ZMYND8: variants seen among roughly 807,000 people sequenced by gnomAD.
ZMYND8 encodes MYND-type zinc finger-containing chromatin reader ZMYND8.
A neutral mutation model predicts 140.8 loss-of-function variants in ZMYND8; 37 were observed. The observed-to-expected ratio is 0.26, with a 90% CI of 0.20 to 0.35. The LOEUF (loss-of-function observed/expected upper bound fraction) is 0.35. ZMYND8 is among the 10% of genes least tolerant of loss of function. ZMYND8 has a pLI of 1.00. For synonymous variants in ZMYND8, 592 were observed against 597.1 expected (o/e 0.99, Z 0.12); for missense variants, 1,068 against 1,570.0 (o/e 0.68, Z 5.40).
chr20:47,229,979 A>G (rs2038240939), intron 16 of ZMYND8, among the ~76,000 whole-genome samples, 173 bp from the exon 17 acceptor site: 1 of 152,212 alleles, frequency 6.6e-6, no homozygotes, highest in African/African-American at 2.4e-5. Flanking sequence ...AGCAAGGAGA[A>G]GGAGCTGCTA....
chr20:47,242,620 G>T (rs1474373780), intron 14 of ZMYND8, among the ~76,000 whole-genome samples: 1 of 152,208 alleles, frequency 6.6e-6, no homozygotes, highest in African/African-American at 2.4e-5. Flanking sequence ...CAAAATGGTC[G>T]TTTTCTCTCT....
intron 11 of ZMYND8, among the ~76,000 whole-genome samples, chr20:47,272,486 T>C (rs1263879219): frequency 6.6e-6 from 1 of 152,142 alleles, no homozygotes; most frequent in Non-Finnish European, 1.5e-5. Context: ...TAATACATAT[T>C]AATAACTTAC....
chr20:47,287,219 A>G lies in ZMYND8; in HGVS notation c.804+10T>C. The G allele has an allele frequency of 6.2e-7, 1 of 1,613,286 alleles. No individual in the cohort carries two copies. On this transcript the variant is annotated intron_variant, in intron 8 of 22. Coordinates refer to ENST00000471951, the MANE Select transcript of ZMYND8 (RefSeq NM_001281775.3). ...GGTGCATCTAAAACAGGACAGTGGG[A>G]AACACATACCTCATGTTCACAGATT...
chr20:47,334,204 G>A (rs2081205445), intron 2 of ZMYND8, among the ~76,000 whole-genome samples: 1 of 152,116 alleles, frequency 6.6e-6, no homozygotes, highest in African/African-American at 2.4e-5. Flanking sequence ...ACTGGGAGGT[G>A]CCTGGCACCC....
chr20:47,254,854 C>T (rs1446929799), intron 12 of ZMYND8, among the ~76,000 whole-genome samples: 1 of 152,188 alleles, frequency 6.6e-6, no homozygotes, highest in African/African-American at 2.4e-5. Context: ...AGGCCAGGCG[C>T]AGTGCCTCAT....
intron 1 of ZMYND8, among the ~76,000 whole-genome samples, chr20:47,350,277 A>G (rs924346773): frequency 6.7e-6 from 1 of 149,958 alleles, no homozygotes; most frequent in Non-Finnish European, 1.5e-5. Context: ...CACACACACA[A>G]TTAACTTGTA....
chr20:47,228,299 T>C (rs6124981), intron 17 of ZMYND8, among the ~76,000 whole-genome samples: 3,207 of 152,234 alleles, frequency 0.021, 128 homozygotes, highest in East Asian at 0.17. Context: ...ACAGAAATTA[T>C]CTGGTTCAAA....
intron 16 of ZMYND8, among the ~76,000 whole-genome samples, chr20:47,235,739 GA>G (rs1045861923): frequency 3.3e-5 from 5 of 151,390 alleles, no homozygotes; most frequent in African/African-American, 1.2e-4. Flanking sequence ...CAACTTAAGA[GA>G]AAAAAAGAAG....
At position 47,347,792 on chromosome 20, in the gene ZMYND8, C is replaced by T. The variant is rs1602156562; in HGVS notation, c.85+64G>A. The T allele has an allele frequency of 5.8e-6, 9 of 1,564,078 alleles. No homozygotes were observed. In the East Asian group the frequency reaches 2.0e-4, roughly 35 times the overall value. On this transcript the variant is annotated intron_variant, in intron 2 of 22. Transcript: ENST00000471951. ...AGCCACACACTTCACTGCACTACAA[C>T]AACAAAAAGAAATTCCAATTTCCTC...
chr20:47,300,036 T>C lies in ZMYND8; in HGVS notation c.235-1089A>G, dbSNP rs563691028. ...CATCAGCAATGGCAGAAAGATGAGA[T>C]GGGTGGCCAACTCATGGGAGGTCGA... is the stretch of plus-strand genomic sequence containing the variant. On this transcript the variant is annotated intron_variant, in intron 3 of 22. Transcript: ENST00000471951. Among the ~76,000 whole-genome samples, 19 of 152,320 alleles carry C rather than the reference T, an allele frequency of 1.2e-4. No homozygotes were observed. The East Asian group carries it at 3.7e-3, about 29-fold the overall frequency.
At chr20:47,317,480 C>T (rs1250451025) in intron 2 of ZMYND8, among the ~76,000 whole-genome samples, 1 of 150,838 alleles carries the variant, frequency 6.6e-6, no homozygotes, top group Non-Finnish European at 1.5e-5. Flanking sequence ...CACACCATTA[C>T]AGGGAATTGT....
chr20:47,246,318 A>C lies in ZMYND8; in HGVS notation c.1974T>G (p.Pro658=), dbSNP rs1355224338. The C allele has an allele frequency of 6.2e-7, 1 of 1,613,928 alleles. No homozygotes were observed. Among genetic ancestry groups the C allele is most frequent in the Non-Finnish European group, 8.5e-7 (1 of 1,179,994 alleles). The part of the protein sequence containing the change: ...EPSAVKKKPK[P]TNPVEIKEEL... ...CCTCTTTAATCTCCACTGGGTTTGT[A>C]GGCTTGGGCTTTTTTTTAACAGCAG... Residue 658 remains proline, a synonymous_variant, in exon 14 of 23, where the codon CCT becomes CCG. Transcript: ENST00000471951.
chr20:47,238,726 C>T (rs778693179), intron 15 of ZMYND8, 32 bp downstream of exon 15: 3 of 1,584,778 alleles, frequency 1.9e-6, no homozygotes, highest in South Asian at 1.1e-5. Flanking sequence ...TGGGAGCGGG[C>T]GCCACGGAGA....
intron 2 of ZMYND8, among the ~76,000 whole-genome samples, chr20:47,315,055 G>A (rs923104539): frequency 2.6e-5 from 4 of 152,070 alleles, no homozygotes; most frequent in African/African-American, 9.7e-5. Flanking sequence ...AAACTTCAGG[G>A]CCCCCAGAGG....
chr20:47,268,987 G>C (rs2075744914), intron 11 of ZMYND8, among the ~76,000 whole-genome samples: 1 of 152,100 alleles, frequency 6.6e-6, no homozygotes, highest in African/African-American at 2.4e-5. Flanking sequence ...GATCATCTGA[G>C]GTCAGGAGTT....
chr20:47,221,309 C>T lies in ZMYND8; in HGVS notation c.3417+5G>A. ...CACTAGCCAAAGGCATGGGGGGATC[C>T]TCACCGAGCCACTCTCCTTGCTTTT... On this transcript the variant is annotated splice_donor_5th_base_variant and intron_variant, in intron 20 of 22. Transcript: ENST00000471951. The T allele has an allele frequency of 1.2e-6, 2 of 1,613,842 alleles. No individual in the cohort carries two copies. The highest frequency in any genetic ancestry group is 1.7e-6 in the Non-Finnish European group (2 of 1,180,000).
intron 2 of ZMYND8, among the ~76,000 whole-genome samples, chr20:47,345,805 T>C (rs1013549023): frequency 1.4e-5 from 2 of 147,792 alleles, no homozygotes; most frequent in East Asian, 2.0e-4. Flanking sequence ...CAACGCACTC[T>C]GTCCACTTTT....
chr20:47,294,337 G>T (rs1172786379), intron 5 of ZMYND8, among the ~76,000 whole-genome samples: 2 of 151,492 alleles, frequency 1.3e-5, no homozygotes, highest in Admixed American at 6.6e-5. Context: ...GGGTGACAGA[G>T]CAAGTCTCCA....
chr20:47,231,216 T>G (rs1026884902), intron 16 of ZMYND8, among the ~76,000 whole-genome samples: 2 of 152,208 alleles, frequency 1.3e-5, no homozygotes, highest in Non-Finnish European at 2.9e-5. Context: ...ACCTGCCAGC[T>G]GACTCTTCCC....
Sources: allele counts gnomAD v4.1 joint callset (sites outside exome capture counted in the v4.1 genomes callset), GRCh38; gene constraint gnomAD v4.1.1; transcripts MANE v1.5; gene names NCBI Gene and HGNC (gene_info 2026-07-23, HGNC 2026-07-21).